Variants in PSKH1 observed in about 807,000 individuals in gnomAD.
PSKH1 encodes serine/threonine-protein kinase H1.
In PSKH1, 12 loss-of-function variants were observed where a neutral mutation model predicts 26.7. The observed-to-expected ratio is 0.45, with a 90% CI of 0.29 to 0.73. PSKH1 has a LOEUF of 0.73. Among genes scored for constraint, PSKH1 ranks in the 30% least tolerant of loss-of-function variants. The pLI is 0.11. For synonymous variants in PSKH1, 213 were observed against 234.3 expected (o/e 0.91, Z 0.83); for missense variants, 431 against 595.2 (o/e 0.72, Z 2.87).
chr16:67,906,526 C>G (rs891368691), intron 1 of PSKH1, among the ~76,000 whole-genome samples: 4 of 151,964 alleles, frequency 2.6e-5, no homozygotes, highest in African/African-American at 9.7e-5. Context: ...CCATGCCCGG[C>G]TAATGTTTTT....
intron 1 of PSKH1, among the ~76,000 whole-genome samples, chr16:67,894,498 A>G (rs1018306582): frequency 1.6e-4 from 24 of 151,916 alleles, no homozygotes; most frequent in Non-Finnish European, 3.4e-4. Context: ...ACTGCCTTCC[A>G]CCCCACCGAC....
intron 2 of PSKH1, among the ~76,000 whole-genome samples, chr16:67,922,356 G>T (rs2058204945): frequency 2.0e-5 from 3 of 152,170 alleles, no homozygotes; most frequent in Non-Finnish European, 4.4e-5. Context: ...CAGAAAGGAG[G>T]CCTTTGAAGG....
At chr16:67,912,378 G>A (rs1329604712) in intron 2 of PSKH1, among the ~76,000 whole-genome samples, 1 of 152,188 alleles carries the variant, frequency 6.6e-6, no homozygotes. Context: ...TGAGCTTTTG[G>A]TGTCTATGGA....
At chr16:67,894,390 C>T (rs1182225018) in intron 1 of PSKH1, among the ~76,000 whole-genome samples, 1 of 152,188 alleles carries the variant, frequency 6.6e-6, no homozygotes, top group East Asian at 1.9e-4. Flanking sequence ...ACCCTCCTGC[C>T]TAGGCTCCTA....
intron 1 of PSKH1, among the ~76,000 whole-genome samples, chr16:67,901,684 G>C (rs1213474855): frequency 1.3e-5 from 2 of 150,630 alleles, no homozygotes; most frequent in African/African-American, 4.9e-5. Context: ...GCCCAGGCTG[G>C]AGTGCCATAG....
intron 1 of PSKH1, among the ~76,000 whole-genome samples, chr16:67,895,123 G>A (rs1347232314): frequency 2.0e-5 from 3 of 151,762 alleles, no homozygotes; most frequent in Non-Finnish European, 4.4e-5. Flanking sequence ...GTGTTTCACC[G>A]TGTTGGCCAG....
intron 1 of PSKH1, among the ~76,000 whole-genome samples, chr16:67,904,727 C>T (rs1428051405): frequency 1.3e-5 from 2 of 152,166 alleles, no homozygotes; most frequent in Non-Finnish European, 2.9e-5. Flanking sequence ...AGCTATCCCC[C>T]CACCTCAGCC....
chr16:67,915,042 T>A (rs182283275), intron 2 of PSKH1, among the ~76,000 whole-genome samples: 3 of 151,870 alleles, frequency 2.0e-5, no homozygotes, highest in African/African-American at 7.3e-5. Context: ...TACCTGAGGG[T>A]TGGAAAATGA....
chr16:67,919,033 C>T (rs1456543872), intron 2 of PSKH1, among the ~76,000 whole-genome samples: 1 of 152,160 alleles, frequency 6.6e-6, no homozygotes, highest in Non-Finnish European at 1.5e-5. Context: ...TTTCTGTCTC[C>T]CTCCCTGCCC....
intron 1 of PSKH1, among the ~76,000 whole-genome samples, chr16:67,897,424 A>C (rs1251844475): frequency 6.6e-6 from 1 of 152,000 alleles, no homozygotes; most frequent in Non-Finnish European, 1.5e-5. Context: ...GAAACATGTG[A>C]TGTTTTCATT....
chr16:67,918,015 T>G (rs2058192414), intron 2 of PSKH1, among the ~76,000 whole-genome samples: 1 of 152,084 alleles, frequency 6.6e-6, no homozygotes, highest in Non-Finnish European at 1.5e-5. Flanking sequence ...CACAGTCACC[T>G]TGAGAGGCGG....
intron 2 of PSKH1, among the ~76,000 whole-genome samples, chr16:67,912,449 C>T (rs1348803567): frequency 6.6e-6 from 1 of 152,174 alleles, no homozygotes; most frequent in Admixed American, 6.5e-5. Flanking sequence ...AATTTAAAGA[C>T]AAGCCCCTTT....
chr16:67,894,857 G>T (rs2058121582), intron 1 of PSKH1, among the ~76,000 whole-genome samples: 1 of 151,774 alleles, frequency 6.6e-6, no homozygotes, highest in African/African-American at 2.4e-5. Context: ...CTTAATCCTG[G>T]ATAGTCCAAA....
chr16:67,901,657 C>G (rs2058142505), intron 1 of PSKH1, among the ~76,000 whole-genome samples: 1 of 141,750 alleles, frequency 7.1e-6, no homozygotes. Flanking sequence ...TTTTTGGAGA[C>G]ATGGTCTTGC....
intron 1 of PSKH1, among the ~76,000 whole-genome samples, chr16:67,908,425 A>G (rs2058162665): frequency 6.6e-6 from 1 of 152,178 alleles, no homozygotes; most frequent in Non-Finnish European, 1.5e-5. Flanking sequence ...GTGTGCCACC[A>G]CGCCTGGCTA....
chr16:67,896,535 C>CTTTTTT (rs959626962), intron 1 of PSKH1, among the ~76,000 whole-genome samples: 64 of 80,952 alleles, frequency 7.9e-4, no homozygotes, highest in African/African-American at 2.8e-3. Context: ...TAGTGTGCTT[C>CTTTTTT]TTTTTTTTTT....
intron 1 of PSKH1, among the ~76,000 whole-genome samples, chr16:67,898,295 A>C (rs1160159443): frequency 6.6e-6 from 1 of 152,008 alleles, no homozygotes; most frequent in African/African-American, 2.4e-5. Context: ...CATCCTAGGT[A>C]CTCGGGGGCT....
intron 1 of PSKH1, among the ~76,000 whole-genome samples, chr16:67,894,647 T>A (rs1465002515): frequency 6.6e-6 from 1 of 152,210 alleles, no homozygotes; most frequent in South Asian, 2.1e-4. Context: ...GTACATCCTG[T>A]TGTGTCACAT....
intron 1 of PSKH1, among the ~76,000 whole-genome samples, chr16:67,899,254 C>T (rs187187275): frequency 1.4e-4 from 22 of 151,966 alleles, no homozygotes; most frequent in Admixed American, 1.2e-3. Context: ...GTTTAACCAC[C>T]GATCTTGCCT....
Sources: allele counts gnomAD v4.1 joint callset (sites outside exome capture counted in the v4.1 genomes callset), GRCh38; gene constraint gnomAD v4.1.1; transcripts MANE v1.5; gene names NCBI Gene and HGNC (gene_info 2026-07-23, HGNC 2026-07-21).